The following PRRC2C variants were observed in gnomAD, a reference collection of about 807,000 sequenced individuals.
PRRC2C encodes the protein proline rich coiled-coil 2C, also known as protein PRRC2C.
A neutral mutation model predicts 317.2 loss-of-function variants in PRRC2C; 72 were observed. The ratio of observed to expected loss-of-function variants is 0.23; its 90% CI spans 0.19 to 0.28. The LOEUF is 0.28. Ranked by LOEUF, PRRC2C falls within the 10% of genes least tolerant of loss-of-function variation. The pLI is 1.00. For synonymous variants in PRRC2C, 1,296 were observed against 1,205.9 expected, an observed-to-expected ratio of 1.07 and a Z score of -1.55; for missense variants, 3,074 against 3,459.7, an observed-to-expected ratio of 0.89 and a Z score of 2.80.
intron 1 of PRRC2C, among the ~76,000 whole-genome samples, chr1:171,507,003 G>T (rs1418549578): frequency 2.0e-5 from 3 of 152,050 alleles, no homozygotes; most frequent in Admixed American, 2.0e-4. Context: ...AGACTAGGTT[G>T]GTTTCACTTG....
chr1:171,555,658 G>A (rs1220269301), intron 18 of PRRC2C, among the ~76,000 whole-genome samples: 2 of 152,196 alleles, frequency 1.3e-5, no homozygotes, highest in Non-Finnish European at 2.9e-5. Context: ...TGGTGTGGAT[G>A]TCCTTTTTGT....
chr1:171,492,644 A>G (rs554022361), intron 1 of PRRC2C, among the ~76,000 whole-genome samples: 97 of 152,308 alleles, frequency 6.4e-4, no homozygotes, highest in Non-Finnish European at 1.3e-3. Context: ...TCCCATGCTG[A>G]TCAGTAGTGG....
chr1:171,547,297 T>C (rs1679293920), intron 17 of PRRC2C, among the ~76,000 whole-genome samples: 1 of 152,128 alleles, frequency 6.6e-6, no homozygotes, highest in Non-Finnish European at 1.5e-5. Flanking sequence ...GAAGAGGACA[T>C]TGGAAACTAA....
intron 34 of PRRC2C, among the ~76,000 whole-genome samples, chr1:171,590,589 G>C (rs1056162984): frequency 2.0e-5 from 3 of 152,164 alleles, no homozygotes; most frequent in African/African-American, 7.2e-5. Flanking sequence ...ATTGATTAAA[G>C]TGTCTTTTTG....
At chr1:171,486,260 T>A (rs1200613130) in intron 1 of PRRC2C, among the ~76,000 whole-genome samples, 1 of 151,980 alleles carries the variant, frequency 6.6e-6, no homozygotes, top group East Asian at 1.9e-4. Context: ...AAAGACCTGG[T>A]TAGATGAGAG....
chr1:171,491,866 A>T lies in PRRC2C; in HGVS notation c.-58+6131A>T, dbSNP rs536939029. Among the ~76,000 whole-genome samples the T allele has an allele frequency of 8.5e-5, 13 of 152,346 alleles. 1 individual carries two copies. The South Asian group carries it at 2.1e-3, about 24-fold the overall frequency. On this transcript the variant is annotated intron_variant, in intron 1 of 34. Transcript: ENST00000647382. ...AATTTTGGGGTTTAAATTAAAATTT[A>T]GATTTTTGGTCATGTGGCTGGTAGT...
rs1045746752 is a variant in PRRC2C at position 171,592,524 on chromosome 1, A to G, written c.*677A>G. On this transcript the variant is annotated 3_prime_UTR_variant, in exon 35 of 35. Coordinates refer to ENST00000647382, the MANE Select transcript of PRRC2C (RefSeq NM_001387844.1). ...TGAGCAGTGTTTGGCTACTGCTTCT[A>G]TTTGAAATGGTGCTGTGTTTTGGTT... The G allele has an allele frequency of 4.6e-5, 7 of 152,188 alleles. No individual in the cohort carries two copies. Among genetic ancestry groups the G allele is most frequent in the African/African-American group, 9.7e-5 (4 of 41,444 alleles). 9.4% of individuals were successfully genotyped at this position (152,188 alleles called of 1,614,324 possible).
At chr1:171,550,027 T>G in intron 17 of PRRC2C, 59 bp from the exon 18 acceptor site, 2 of 1,423,928 alleles carry the variant, frequency 1.4e-6, no homozygotes, top group Non-Finnish European at 1.9e-6. Flanking sequence ...TACTAAACAT[T>G]TTTATTAATT....
chr1:171,561,128 A>AGG, intron 20 of PRRC2C, 25 bp downstream of exon 20: 1 of 1,540,226 alleles, frequency 6.5e-7, no homozygotes, highest in South Asian at 1.1e-5. Flanking sequence ...TTAACAGCAT[A>AGG]GGTGTGCTGG....
At chr1:171,504,922 A>AT (rs1165450139) in intron 1 of PRRC2C, among the ~76,000 whole-genome samples, 1 of 151,858 alleles carries the variant, frequency 6.6e-6, no homozygotes, top group Non-Finnish European at 1.5e-5. Flanking sequence ...TGAACATGGC[A>AT]TAAGTTCTTA....
intron 2 of PRRC2C, 76 bp from the exon 3 acceptor site, chr1:171,512,919 T>C: frequency 7.5e-7 from 1 of 1,325,224 alleles, no homozygotes; most frequent in Non-Finnish European, 1.0e-6. Flanking sequence ...ATTCCTATTG[T>C]TTTTCTATAT....
chr1:171,526,547 A>G (rs2102375165), intron 10 of PRRC2C, among the ~76,000 whole-genome samples: 1 of 152,274 alleles, frequency 6.6e-6, no homozygotes, highest in South Asian at 2.1e-4. Flanking sequence ...CATGTTGGCC[A>G]GGCTGGTCTT....
chr1:171,557,441 A>G lies in PRRC2C; in HGVS notation c.5329A>G (p.Thr1777Ala), dbSNP rs868114449. Residue 1777 changes from threonine (T) to alanine (A), a missense_variant, in exon 19 of 35, where the codon ACT (threonine) becomes GCT (alanine). Physicochemically the swap from Thr to Ala is moderately conservative, Grantham distance 58 (BLOSUM62 0). Transcript: ENST00000647382. ...CTCAGCTCCACTTCCGGCAACCTTA[A>G]CTCCAGTTCCAGCCTCAACCTCAGC... ...STSAPLPATL[T>A]PVPASTSAPV... 1.3e-6 allele frequency: 2 copies of G among 1,546,232 alleles called. No homozygotes were observed. The highest frequency in any genetic ancestry group is 1.2e-5 in the South Asian group (1 of 83,716).
chr1:171,516,068 G>A (rs1007356046), intron 5 of PRRC2C, among the ~76,000 whole-genome samples: 1 of 152,080 alleles, frequency 6.6e-6, no homozygotes, highest in Admixed American at 6.5e-5. Context: ...CTTGGGCCTC[G>A]CATCCAACTT....
chr1:171,503,848 C>T (rs966548622), intron 1 of PRRC2C, among the ~76,000 whole-genome samples: 4 of 152,160 alleles, frequency 2.6e-5, no homozygotes, highest in Admixed American at 6.5e-5. Context: ...AGCAAAGCTG[C>T]GTCTTACATG....
At chr1:171,535,333 C>A in intron 12 of PRRC2C, 95 bp from the exon 13 acceptor site, 1 of 1,104,448 alleles carries the variant, frequency 9.1e-7, no homozygotes, top group Non-Finnish European at 1.3e-6. Flanking sequence ...TTTTCTTCCT[C>A]ATTAACTTTT....
In PRRC2C at chr1:171,541,930, G is replaced by T; in HGVS notation, c.4464G>T (p.Gln1488His). The T allele has an allele frequency of 6.2e-7, 1 of 1,613,720 alleles. No homozygotes were observed. The highest frequency in any genetic ancestry group is 1.1e-5 in the South Asian group (1 of 91,044). ...SGNKTPDLSN[Q>H]NSSDQANEEW... ...ATAAGACACCAGATTTATCTAATCA[G>T]AACTCTTCAGATCAGGCAAATGAAG... is the stretch of plus-strand genomic sequence containing the variant. The change falls in exon 16 of 35, where the codon CAG becomes CAT. Residue 1488 changes from glutamine (Q) to histidine (H), a missense_variant. Physicochemically the swap from Gln to His is conservative, Grantham distance 24. Transcript: ENST00000647382. This position sits in a 1 kb window ranked among gnomAD's most constrained non-coding sequence, Gnocchi z 4.1.
chr1:171,529,915 T>C (rs1427510141), intron 11 of PRRC2C, among the ~76,000 whole-genome samples: 2 of 152,250 alleles, frequency 1.3e-5, no homozygotes, highest in African/African-American at 4.8e-5. Flanking sequence ...CCAGACCTTC[T>C]GTAATCACCC....
chr1:171,551,537 A>G (rs563422292), intron 18 of PRRC2C, among the ~76,000 whole-genome samples: 9 of 152,082 alleles, frequency 5.9e-5, no homozygotes, highest in Non-Finnish European at 1.0e-4. Flanking sequence ...GTCCTTTCCC[A>G]TGCCTATATC....
Sources: gnomAD v4.1 joint callset for allele counts (sites outside exome capture counted in the v4.1 genomes callset) on GRCh38, gnomAD v4.1.1 for gene constraint, Gnocchi (gnomAD v3.1) non-coding constraint, MANE v1.5 for transcripts, NCBI Gene and HGNC (gene_info 2026-07-23, HGNC 2026-07-21) for gene names.